The following ADAMTS9 variants were observed in gnomAD, a reference collection of about 807,000 sequenced individuals.
The protein encoded by ADAMTS9 is A disintegrin and metalloproteinase with thrombospondin motifs 9.
ADAMTS9 carries 107 observed loss-of-function variants against 257.1 expected under a neutral mutation model. The observed-to-expected ratio is 0.42, with a 90% confidence interval of 0.36 to 0.49. ADAMTS9 has a LOEUF of 0.49. Among genes scored for constraint, ADAMTS9 ranks in the 20% least tolerant of loss-of-function variants. ADAMTS9 has a pLI of 0.03. For synonymous variants in ADAMTS9, 982 were observed against 880.9 expected, an observed-to-expected ratio of 1.11 and a Z score of -2.03; for missense variants, 2,353 against 2,469.1, an observed-to-expected ratio of 0.95 and a Z score of 1.00.
intron 38 of ADAMTS9, among the ~76,000 whole-genome samples, chr3:64,530,072 C>T (rs1172833627): frequency 1.4e-5 from 2 of 144,020 alleles, no homozygotes; most frequent in African/African-American, 5.2e-5. Context: ...AATCCTCCTG[C>T]CTCAGCCTTC....
chr3:64,621,470 A>G (rs1700102727), intron 18 of ADAMTS9, among the ~76,000 whole-genome samples: 1 of 152,142 alleles, frequency 6.6e-6, no homozygotes. Flanking sequence ...TTTATTTGTA[A>G]AAGTAGGTAG....
chr3:64,582,729 A>G (rs1246563988), intron 28 of ADAMTS9: 1 of 152,226 alleles, frequency 6.6e-6, no homozygotes, highest in African/African-American at 2.4e-5. Flanking sequence ...ACAACAAAAA[A>G]TTATCTGGCC....
chr3:64,528,134 A>C (rs1284817551), intron 38 of ADAMTS9, among the ~76,000 whole-genome samples: 1 of 152,178 alleles, frequency 6.6e-6, no homozygotes, highest in African/African-American at 2.4e-5. Flanking sequence ...CCTCTGGCAC[A>C]CAAGGAAGAC....
chr3:64,663,297 C>T (rs1576173960), intron 3 of ADAMTS9, among the ~76,000 whole-genome samples: 2 of 151,936 alleles, frequency 1.3e-5, no homozygotes, highest in Non-Finnish European at 2.9e-5. Context: ...AAAAGAGAAA[C>T]TATATCACTA....
At chr3:64,669,315 CTTCCCAAAGCTCA>C (rs750634097) in intron 3 of ADAMTS9, among the ~76,000 whole-genome samples, 29 of 152,198 alleles carry the variant, frequency 1.9e-4, no homozygotes, top group Non-Finnish European at 3.8e-4. Context: ...TACAATGGCA[CTTCCCAAAGCTCA>C]TTTGAGTCAT....
intron 28 of ADAMTS9, among the ~76,000 whole-genome samples, chr3:64,573,774 A>C (rs2083760151): frequency 6.6e-6 from 1 of 152,224 alleles, no homozygotes; most frequent in Admixed American, 6.5e-5. Flanking sequence ...GTGACAAATG[A>C]AGTGAATACT....
At chr3:64,659,040 G>T (rs939482269) in intron 3 of ADAMTS9, among the ~76,000 whole-genome samples, 1 of 152,140 alleles carries the variant, frequency 6.6e-6, no homozygotes, top group Non-Finnish European at 1.5e-5. Context: ...CCGAGCTTAA[G>T]GGAAACAATT....
chr3:64,622,621 G>T (rs1700136959), intron 16 of ADAMTS9, 35 bp from the exon 17 acceptor site: 3 of 1,599,262 alleles, frequency 1.9e-6, no homozygotes, highest in Non-Finnish European at 2.6e-6. Flanking sequence ...ACATTGATCT[G>T]CTGTCAATGA....
At chr3:64,634,800 G>T (rs111606785) in intron 12 of ADAMTS9, among the ~76,000 whole-genome samples, 4 of 152,146 alleles carry the variant, frequency 2.6e-5, no homozygotes, top group African/African-American at 9.7e-5. Context: ...TTTTCCTTTA[G>T]AATGAATCTT....
chr3:64,531,018 ACT>A (rs142561147), intron 38 of ADAMTS9, among the ~76,000 whole-genome samples: 1,583 of 152,290 alleles, frequency 0.01, 56 homozygotes, highest in East Asian at 0.077. Context: ...AAGCTCATGC[ACT>A]CTCTCTCAGC....
chr3:64,649,742 T>A lies in ADAMTS9; in HGVS notation c.1500A>T (p.Glu500Asp). The A allele has an allele frequency of 1.2e-6, 2 of 1,613,924 alleles. No individual in the cohort carries two copies. The highest frequency in any genetic ancestry group is 1.7e-6 in the Non-Finnish European group (2 of 1,179,940). Reference sequence around the variant, plus strand: ...GGACAGGCAAAGGGTAGGGTCTGGATTCAGGTTCGTTAAGCAAACACTCGC... The same window carrying A: ...GGACAGGCAAAGGGTAGGGTCTGGAATCAGGTTCGTTAAGCAAACACTCGC... ...GYGECLLNEP[E>D]SRPYPLPVQL... The change falls in exon 10 of 40, where the codon GAA becomes GAT. Residue 500 changes from glutamate to aspartate, a missense_variant. Around this residue, in one of 3 missense-constraint regions of ADAMTS9, gnomAD observed 360 missense variants for 458.1 expected, o/e 0.79. Coordinates refer to ENST00000498707, the MANE Select transcript of ADAMTS9 (RefSeq NM_182920.2).
At chr3:64,541,497 T>G (rs2083121316) in intron 34 of ADAMTS9, 29 bp downstream of exon 34, 1 of 1,609,664 alleles carries the variant, frequency 6.2e-7, no homozygotes, top group Admixed American at 1.7e-5. Context: ...AAAACATTCT[T>G]GAAATAATGA....
At chr3:64,573,952 G>A (rs781118024) in intron 28 of ADAMTS9, among the ~76,000 whole-genome samples, 2 of 152,176 alleles carry the variant, frequency 1.3e-5, no homozygotes, top group Non-Finnish European at 2.9e-5. Context: ...ATGGAAAAAA[G>A]ATAGTAGCTG....
intron 3 of ADAMTS9, among the ~76,000 whole-genome samples, chr3:64,678,275 A>T (rs552250587): frequency 2.0e-5 from 3 of 152,136 alleles, no homozygotes; most frequent in South Asian, 2.1e-4. Context: ...ACTGCTAAGG[A>T]CTCCTCCAGT....
At chr3:64,596,715 A>AC (rs2084370705) in intron 27 of ADAMTS9, 115 bp downstream of exon 27, 1 of 1,280,122 alleles carries the variant, frequency 7.8e-7, no homozygotes, top group African/African-American at 1.5e-5. Context: ...GTTAATCCCC[A>AC]CCCCAGAAGC....
chr3:64,543,721 C>T (rs889886988), intron 32 of ADAMTS9, among the ~76,000 whole-genome samples: 1 of 152,080 alleles, frequency 6.6e-6, no homozygotes. Flanking sequence ...ACAGGGATGC[C>T]CCCTCTCACC....
At chr3:64,660,819 G>T (rs1449025341) in intron 3 of ADAMTS9, among the ~76,000 whole-genome samples, 2 of 150,222 alleles carry the variant, frequency 1.3e-5, no homozygotes. Flanking sequence ...AATAAGCAAA[G>T]AAAAAAAAAC....
In ADAMTS9 at chr3:64,683,664, A is replaced by C. The variant is rs147324642; in HGVS notation, c.517-2301T>G. 5.4e-4 allele frequency among the ~76,000 whole-genome samples: 82 copies of C among 152,342 alleles called. 1 individual carries two copies. In the East Asian group the frequency reaches 6.2e-3, roughly 11 times the overall value. ...AATAAATCATATCAATGTGATGCCA[A>C]AATTAATTGTACTGTTGATTCACAA... On this transcript the variant is annotated intron_variant, in intron 2 of 39. Coordinates refer to ENST00000498707, the MANE Select transcript of ADAMTS9 (RefSeq NM_182920.2).
chr3:64,606,328 T>A (rs1024539092), intron 23 of ADAMTS9, among the ~76,000 whole-genome samples: 1 of 152,160 alleles, frequency 6.6e-6, no homozygotes, highest in Non-Finnish European at 1.5e-5. Flanking sequence ...ATTCCTGTGG[T>A]GTAAATACTC....
Sources: gnomAD v4.1 joint callset for allele counts (sites outside exome capture counted in the v4.1 genomes callset) on GRCh38, gnomAD v4.1.1 for gene constraint, gnomAD v4.1.1 regional missense constraint, MANE v1.5 for transcripts, NCBI Gene and HGNC (gene_info 2026-07-23, HGNC 2026-07-21) for gene names.